Variants in KCND2 observed in about 807,000 individuals in gnomAD.
KCND2 encodes the protein potassium voltage-gated channel subfamily D member 2.
KCND2 carries 16 observed loss-of-function variants against 54.4 expected under a neutral mutation model. The ratio of observed to expected loss-of-function variants is 0.29; its 90% CI spans 0.20 to 0.45. The LOEUF (loss-of-function observed/expected upper bound fraction) is 0.45, where lower values mean the gene tolerates loss of function less well. Ranked by LOEUF, KCND2 falls within the 20% of genes least tolerant of loss-of-function variation. KCND2 has a pLI of 1.00. For synonymous variants in KCND2, 317 were observed against 310.7 expected (o/e 1.02, Z -0.21); for missense variants, 486 against 824.2 (o/e 0.59, Z 5.02).
At chr7:120,715,009 A>C (rs75846661) in intron 1 of KCND2, among the ~76,000 whole-genome samples, 1,644 of 152,204 alleles carry the variant, frequency 0.011, 22 homozygotes, top group African/African-American at 0.031. Flanking sequence ...AGTGTAGACC[A>C]AATACCCCAC....
chr7:120,545,435 G>A (rs1171541468), intron 1 of KCND2, among the ~76,000 whole-genome samples: 1 of 151,798 alleles, frequency 6.6e-6, no homozygotes, highest in Non-Finnish European at 1.5e-5. Context: ...TAAATATCTG[G>A]AGAAAGGTTT....
chr7:120,727,247 C>T (rs1275288622), intron 1 of KCND2, among the ~76,000 whole-genome samples: 1 of 151,942 alleles, frequency 6.6e-6, no homozygotes, highest in Non-Finnish European at 1.5e-5. Flanking sequence ...ATAAAGACAG[C>T]CACATCATGC....
intron 1 of KCND2, among the ~76,000 whole-genome samples, chr7:120,730,335 C>T: frequency 6.6e-6 from 1 of 152,186 alleles, no homozygotes; most frequent in Non-Finnish European, 1.5e-5. Flanking sequence ...ACTGGACATT[C>T]AATGTGAACT....
chr7:120,474,937 C>A (rs547944617), intron 1 of KCND2, among the ~76,000 whole-genome samples: 3 of 152,180 alleles, frequency 2.0e-5, no homozygotes, highest in African/African-American at 7.2e-5. Context: ...AACTCCTGGG[C>A]TCAAGCAGTC....
At chr7:120,362,989 A>G (rs1400251829) in intron 1 of KCND2, among the ~76,000 whole-genome samples, 1 of 152,066 alleles carries the variant, frequency 6.6e-6, no homozygotes, top group Non-Finnish European at 1.5e-5. Flanking sequence ...AATGTCTTTT[A>G]GAGTGACTCT....
chr7:120,641,952 C>A (rs945076884), intron 1 of KCND2, among the ~76,000 whole-genome samples: 1 of 151,890 alleles, frequency 6.6e-6, no homozygotes, highest in Non-Finnish European at 1.5e-5. Context: ...AAGATTAGAG[C>A]TCTAAGAACT....
chr7:120,514,664 T>C (rs919664618), intron 1 of KCND2, among the ~76,000 whole-genome samples: 2 of 152,222 alleles, frequency 1.3e-5, no homozygotes, highest in African/African-American at 4.8e-5. Context: ...TTTTTGGCAC[T>C]AGGGACTGGT....
chr7:120,528,649 A>T (rs1208555445), intron 1 of KCND2, among the ~76,000 whole-genome samples: 1 of 152,182 alleles, frequency 6.6e-6, no homozygotes, highest in Non-Finnish European at 1.5e-5. Context: ...CAAATAAATG[A>T]TACACAAAGA....
At chr7:120,666,249 A>G (rs1036779574) in intron 1 of KCND2, among the ~76,000 whole-genome samples, 1 of 152,006 alleles carries the variant, frequency 6.6e-6, no homozygotes, top group Non-Finnish European at 1.5e-5. Flanking sequence ...TCTAAAGAAC[A>G]TTGTGATCTA....
At chr7:120,714,304 A>C (rs1184950440) in intron 1 of KCND2, among the ~76,000 whole-genome samples, 3 of 142,666 alleles carry the variant, frequency 2.1e-5, no homozygotes, top group Non-Finnish European at 4.6e-5. Context: ...TAGATAAGTA[A>C]GTTTTGACAA....
At chr7:120,564,029 GAATA>G (rs1404699638) in intron 1 of KCND2, among the ~76,000 whole-genome samples, 2 of 151,658 alleles carry the variant, frequency 1.3e-5, no homozygotes, top group African/African-American at 4.9e-5. Context: ...ACCAGCAGAA[GAATA>G]AACAAATAAG....
chr7:120,374,078 A>C (rs17323788), intron 1 of KCND2, among the ~76,000 whole-genome samples: 1 of 151,666 alleles, frequency 6.6e-6, no homozygotes, highest in African/African-American at 2.4e-5. Context: ...GCAGATTGAA[A>C]GTAATTCAAA....
intron 1 of KCND2, among the ~76,000 whole-genome samples, chr7:120,380,039 T>C (rs181727200): frequency 6.6e-6 from 1 of 152,174 alleles, no homozygotes; most frequent in Non-Finnish European, 1.5e-5. Context: ...ATATATCAAA[T>C]AAATTGCAAT....
intron 1 of KCND2, among the ~76,000 whole-genome samples, chr7:120,665,390 C>T (rs1008710411): frequency 6.6e-6 from 1 of 152,042 alleles, no homozygotes; most frequent in African/African-American, 2.4e-5. Context: ...TAATTTATTG[C>T]ACAAGTACAA....
chr7:120,343,061 G>T (rs1800265248), intron 1 of KCND2, among the ~76,000 whole-genome samples: 1 of 152,028 alleles, frequency 6.6e-6, no homozygotes, highest in South Asian at 2.1e-4. Flanking sequence ...TCTGTATGTG[G>T]CCATTCAAAA....
intron 1 of KCND2, among the ~76,000 whole-genome samples, chr7:120,289,545 A>G (rs1483529830): frequency 6.6e-6 from 1 of 152,188 alleles, no homozygotes; most frequent in Non-Finnish European, 1.5e-5. Flanking sequence ...AGAAAAACCT[A>G]TGTACTTAAT....
intron 1 of KCND2, among the ~76,000 whole-genome samples, chr7:120,614,908 T>G (rs1018200657): frequency 2.6e-5 from 4 of 152,190 alleles, no homozygotes; most frequent in African/African-American, 9.6e-5. Flanking sequence ...TTGATTAGTA[T>G]TAGGCTTTCT....
At chr7:120,732,879 A>G (rs1413139059) in intron 1 of KCND2, 24 bp from the exon 2 acceptor site, 2 of 1,590,248 alleles carry the variant, frequency 1.3e-6, no homozygotes, top group Admixed American at 1.7e-5. Context: ...AAAACAATAT[A>G]TATATATTTT....
chr7:120,508,099 A>G (rs1430122793), intron 1 of KCND2, among the ~76,000 whole-genome samples: 10 of 151,868 alleles, frequency 6.6e-5, no homozygotes, highest in Non-Finnish European at 2.9e-5. Flanking sequence ...CACATTTACA[A>G]GATTTTAATT....
Sources: gnomAD v4.1 joint callset for allele counts (sites outside exome capture counted in the v4.1 genomes callset) on GRCh38, gnomAD v4.1.1 for gene constraint, MANE v1.5 for transcripts, NCBI Gene and HGNC (gene_info 2026-07-23, HGNC 2026-07-21) for gene names.